Variants in AMOT observed in about 807,000 individuals in gnomAD.
AMOT encodes angiomotin.
In AMOT, 11 loss-of-function variants were observed where a neutral mutation model predicts 67.0. The observed-to-expected ratio is 0.16, with a 90% CI of 0.10 to 0.27. The LOEUF (loss-of-function observed/expected upper bound fraction) is 0.27, where lower values mean the gene tolerates loss of function less well. Among genes scored for constraint, AMOT ranks in the 10% least tolerant of loss-of-function variants. The pLI is 1.00. For synonymous variants in AMOT, 326 were observed against 321.4 expected, an observed-to-expected ratio of 1.01 and a Z score of -0.15; for missense variants, 753 against 852.0, an observed-to-expected ratio of 0.88 and a Z score of 1.45.
At position 112,782,542 on chromosome X, in the gene AMOT, G is replaced by T. The variant is rs1359809276; in HGVS notation, c.2238C>A (p.Gly746=). 3 of 1,211,125 alleles carry T rather than the reference G, an allele frequency of 2.5e-6. No individual in the cohort carries two copies. Among genetic ancestry groups the T allele is most frequent in the Non-Finnish European group, 3.4e-6 (3 of 895,242 alleles). The change falls in exon 11 of 14, where the codon GGC becomes GGA. Residue 746 remains glycine (G), a splice_region_variant and synonymous_variant. Coordinates refer to ENST00000371959, the MANE Select transcript of AMOT (RefSeq NM_001113490.2). ...MANKRCLDME[G]RIKTLHAQII... Reference sequence around the variant, plus strand: ...CAGGGTCCAGAACAACATTTTACCTGCCCTCCATGTCAAGGCAACGCTTAT... The same window carrying T: ...CAGGGTCCAGAACAACATTTTACCTTCCCTCCATGTCAAGGCAACGCTTAT...
rs190506678 is a variant in AMOT, at chrX:112,827,123, T to C, written c.-211-1903A>G. Among the ~76,000 whole-genome samples the C allele has an allele frequency of 5.7e-3, 644 of 112,783 alleles. 5 individuals carry two copies. The highest frequency in any genetic ancestry group is 0.018 in the African/African-American group (565 of 31,062). On this transcript the variant is annotated intron_variant, in intron 2 of 13. Coordinates refer to ENST00000371959, the MANE Select transcript of AMOT (RefSeq NM_001113490.2). ...CTGCCTGCCTCGGTCTCCCAAGGTG[T>C]TGGGATTACAGGCGTGAGCCACCAC...
intron 1 of AMOT, among the ~76,000 whole-genome samples, chrX:112,833,971 G>A (rs1461494934): frequency 8.9e-6 from 1 of 112,283 alleles, no homozygotes; most frequent in Non-Finnish European, 1.9e-5. Flanking sequence ...TTCCTAATGG[G>A]GAAGGTTTTA....
At chrX:112,813,202 T>A (rs1934426628) in intron 5 of AMOT, among the ~76,000 whole-genome samples, 1 of 111,691 alleles carries the variant, frequency 9.0e-6, no homozygotes, top group Non-Finnish European at 1.9e-5. Context: ...CTTGTACTAA[T>A]CCTTCCCCTA....
rs1180715587 is a variant in AMOT at position 112,778,270 on chromosome X, T to C, written c.*297A>G. 1.1e-5 allele frequency: 2 copies of C among 185,259 alleles called. No individual in the cohort carries two copies. The highest frequency in any genetic ancestry group is 2.9e-5 in the African/African-American group (1 of 33,926). 15.3% of individuals were successfully genotyped at this position (185,259 alleles called of 1,213,427 possible). A position where few individuals can be genotyped will look rare whatever the true frequency, so the allele number is the denominator to read the frequency against. On this transcript the variant is annotated 3_prime_UTR_variant, in exon 14 of 14. Coordinates refer to ENST00000371959, the MANE Select transcript of AMOT (RefSeq NM_001113490.2). ...GAAAATTTAAACAAATTTAAGCACA[T>C]TGAAAACGTCGATGTATAGCCACCT...
intron 8 of AMOT, among the ~76,000 whole-genome samples, chrX:112,793,579 C>T (rs755104954): frequency 8.9e-6 from 1 of 112,016 alleles, no homozygotes; most frequent in African/African-American, 3.2e-5. Flanking sequence ...TTCTCTAAGT[C>T]GAAGGAACCC....
At chrX:112,800,573 T>C (rs1442536515) in intron 8 of AMOT, among the ~76,000 whole-genome samples, 5 of 112,456 alleles carry the variant, frequency 4.4e-5, no homozygotes, top group African/African-American at 1.6e-4. Context: ...ATTAGACATA[T>C]AAATATCTAT....
intron 4 of AMOT, among the ~76,000 whole-genome samples, chrX:112,821,259 C>G (rs959306155): frequency 9.0e-6 from 1 of 111,365 alleles, no homozygotes; most frequent in African/African-American, 3.3e-5. Flanking sequence ...CAGCCTAGGA[C>G]CAAGCACTTC....
intron 5 of AMOT, 108 bp from the exon 6 acceptor site, chrX:112,811,501 G>T: frequency 1.1e-6 from 1 of 900,432 alleles, no homozygotes; most frequent in Non-Finnish European, 1.6e-6. Flanking sequence ...AGGGCTCACA[G>T]ATGGCCAGGA....
At chrX:112,783,211 C>G (rs1403031865) in intron 10 of AMOT, among the ~76,000 whole-genome samples, 1 of 107,465 alleles carries the variant, frequency 9.3e-6, no homozygotes, top group Non-Finnish European at 1.9e-5. Flanking sequence ...AGGAGAATCA[C>G]TTGAACCCGG....
chrX:112,808,349 C>A (rs764886868), intron 7 of AMOT, among the ~76,000 whole-genome samples: 2 of 111,321 alleles, frequency 1.8e-5, no homozygotes, highest in Non-Finnish European at 3.8e-5. Flanking sequence ...TCTACTATAC[C>A]GGGCTGCCTT....
At position 112,809,052 on chromosome X, in the gene AMOT, A is replaced by G. The variant is rs770811234; in HGVS notation, c.1630+842T>C. 3.6e-5 allele frequency among the ~76,000 whole-genome samples: 4 copies of G among 111,595 alleles called. No homozygotes were observed. The South Asian group carries it at 1.5e-3, about 43-fold the overall frequency. On this transcript the variant is annotated intron_variant, in intron 7 of 13. Transcript: ENST00000371959. Reference sequence around the variant, plus strand: ...AGGGTCATTTGGAGACCTAGCAAAGATGGAAGAGAATGGCAAATCCCTACT... The same window carrying G: ...AGGGTCATTTGGAGACCTAGCAAAGGTGGAAGAGAATGGCAAATCCCTACT...
At chrX:112,793,031 A>C (rs1289217584) in intron 8 of AMOT, among the ~76,000 whole-genome samples, 1 of 104,388 alleles carries the variant, frequency 9.6e-6, no homozygotes, top group Non-Finnish European at 1.9e-5. Context: ...GATATGGGGA[A>C]ACTGCAGGCT....
rs754978381 is a variant in AMOT at position 112,834,663 on chromosome X, A to G, written c.-288-2293T>C. ...ATCCAGCTGTGTATAAAACACTACA[A>G]TGGCTGGGTTTCAGTTACTGGCTAT... is the stretch of plus-strand genomic sequence containing the variant. On this transcript the variant is annotated intron_variant, in intron 1 of 13. Transcript: ENST00000371959. Among the ~76,000 whole-genome samples the G allele has an allele frequency of 2.7e-5, 3 of 113,038 alleles. No individual in the cohort carries two copies. In the South Asian group the frequency reaches 1.1e-3, roughly 41 times the overall value.
chrX:112,787,741 C>T (rs1057062695), intron 10 of AMOT, among the ~76,000 whole-genome samples: 2 of 111,818 alleles, frequency 1.8e-5, no homozygotes, highest in African/African-American at 6.5e-5. Context: ...TGAAATCTGT[C>T]ATTTACCAAA....
At chrX:112,805,494 T>G (rs1022839276) in intron 7 of AMOT, among the ~76,000 whole-genome samples, 3 of 110,929 alleles carry the variant, frequency 2.7e-5, no homozygotes, top group South Asian at 7.8e-4. Flanking sequence ...CAAAAAGCAA[T>G]TGAGCTCAAA....
intron 1 of AMOT, among the ~76,000 whole-genome samples, chrX:112,839,231 T>C (rs182181643): frequency 8.9e-6 from 1 of 112,344 alleles, no homozygotes; most frequent in African/African-American, 3.2e-5. Flanking sequence ...CAATTGAAGA[T>C]AGGTGGGAGA....
chrX:112,821,518 A>G (rs931111690), intron 4 of AMOT, among the ~76,000 whole-genome samples: 6 of 111,934 alleles, frequency 5.4e-5, no homozygotes, highest in Non-Finnish European at 1.1e-4. Flanking sequence ...GAACAACTAA[A>G]TATATAAGAC....
At chrX:112,791,805 C>A in intron 9 of AMOT, 27 bp downstream of exon 9, 1 of 1,192,235 alleles carries the variant, frequency 8.4e-7, no homozygotes, top group East Asian at 3.0e-5. Flanking sequence ...ACTTTTTTTT[C>A]CCTTTCTTCC....
At chrX:112,810,379 CT>C (rs1934320067) in intron 6 of AMOT, among the ~76,000 whole-genome samples, 1 of 112,062 alleles carries the variant, frequency 8.9e-6, no homozygotes, top group South Asian at 3.7e-4. Flanking sequence ...TTTGGGCCCC[CT>C]GACTTTAAAG....
Sources: allele counts gnomAD v4.1 joint callset (sites outside exome capture counted in the v4.1 genomes callset), GRCh38; gene constraint gnomAD v4.1.1; transcripts MANE v1.5; gene names NCBI Gene and HGNC (gene_info 2026-07-23, HGNC 2026-07-21).